Variants in ITIH5 observed in about 807,000 individuals in gnomAD.
The protein encoded by ITIH5 is inter-alpha-trypsin inhibitor heavy chain 5.
ITIH5 carries 65 observed loss-of-function variants against 77.5 expected under a neutral mutation model. The observed-to-expected ratio is 0.84, with a 90% CI of 0.69 to 1.03. The LOEUF is 1.03. ITIH5 is among the 50% of genes least tolerant of loss of function. The probability of loss-of-function intolerance (pLI) is 0.00; values close to 1 mark genes in which losing one functional copy is unlikely to be tolerated. For synonymous variants in ITIH5, 525 were observed against 494.3 expected (o/e 1.06, Z -0.82); for missense variants, 1,208 against 1,213.1 (o/e 1.00, Z 0.06).
intron 3 of ITIH5, among the ~76,000 whole-genome samples, chr10:7,641,666 G>A (rs1833888864): frequency 9.5e-6 from 1 of 105,092 alleles, no homozygotes; most frequent in Non-Finnish European, 2.0e-5. Flanking sequence ...GGGAGGGAGG[G>A]AGGGAGGCAG....
At chr10:7,663,608 A>G (rs1337048721) in intron 1 of ITIH5, among the ~76,000 whole-genome samples, 5 of 152,128 alleles carry the variant, frequency 3.3e-5, no homozygotes, top group African/African-American at 1.2e-4. Flanking sequence ...TTATAATTTG[A>G]TACTTTTTTC....
intron 5 of ITIH5, among the ~76,000 whole-genome samples, chr10:7,624,463 T>C (rs60127199): frequency 0.2 from 30,345 of 150,924 alleles, 4,558 homozygotes; most frequent in African/African-American, 0.42. Context: ...GCCAAGATCG[T>C]ACCATTGCAC....
At chr10:7,654,329 G>A (rs1265357403) in intron 2 of ITIH5, among the ~76,000 whole-genome samples, 1 of 152,142 alleles carries the variant, frequency 6.6e-6, no homozygotes, top group Non-Finnish European at 1.5e-5. Context: ...ATGTATTGCT[G>A]GGAGGCTATT....
At chr10:7,591,396 C>T (rs1832791208) in intron 7 of ITIH5, among the ~76,000 whole-genome samples, 1 of 152,164 alleles carries the variant, frequency 6.6e-6, no homozygotes, top group Non-Finnish European at 1.5e-5. Flanking sequence ...GCCTTCCTGA[C>T]ACGTTGAGCT....
At chr10:7,658,757 T>C (rs1281290327) in intron 1 of ITIH5, among the ~76,000 whole-genome samples, 1 of 152,090 alleles carries the variant, frequency 6.6e-6, no homozygotes, top group Non-Finnish European at 1.5e-5. Context: ...AATCTCTGGG[T>C]TATAATAAGA....
At chr10:7,569,487 T>C (rs1832253454) in intron 12 of ITIH5, 181 bp downstream of exon 12, 2 of 447,844 alleles carry the variant, frequency 4.5e-6, no homozygotes, top group Non-Finnish European at 7.9e-6. Flanking sequence ...GCACTTGTCA[T>C]AAAGCAGGGA....
Position 7,559,955 on chromosome 10 carries a change from G to C in ITIH5, c.*3128C>G, listed in dbSNP as rs779599514. The C allele has an allele frequency of 7.1e-6, 3 of 419,648 alleles. No individual in the cohort carries two copies. Among genetic ancestry groups the C allele is most frequent in the South Asian group, 5.3e-5 (3 of 56,782 alleles). 26.0% of individuals were successfully genotyped at this position (419,648 alleles called of 1,614,324 possible). A position where few individuals can be genotyped will look rare whatever the true frequency, so the allele number is the denominator to read the frequency against. ...CAAGTTCCGACTGCCTGGTTCAAGC[G>C]ATTCTCCTGCCTCAGCCTCCCAAGT... On this transcript the variant is annotated 3_prime_UTR_variant, in exon 14 of 14. Transcript: ENST00000397146.
intron 2 of ITIH5, among the ~76,000 whole-genome samples, chr10:7,653,917 G>A (rs1472587776): frequency 6.6e-6 from 1 of 152,150 alleles, no homozygotes; most frequent in Non-Finnish European, 1.5e-5. Flanking sequence ...CACTTTGGGA[G>A]GCCGAGGTGG....
At chr10:7,581,744 TAG>T (rs1832559413) in intron 8 of ITIH5, among the ~76,000 whole-genome samples, 3 of 125,576 alleles carry the variant, frequency 2.4e-5, no homozygotes, top group African/African-American at 8.9e-5. Flanking sequence ...TTTTTTTTTT[TAG>T]AGACAGGGTC....
At chr10:7,638,459 T>C (rs1833835315) in intron 4 of ITIH5, among the ~76,000 whole-genome samples, 1 of 152,232 alleles carries the variant, frequency 6.6e-6, no homozygotes, top group Non-Finnish European at 1.5e-5. Context: ...AAAGTGATGT[T>C]ATCTGGTCCC....
At position 7,637,443 on chromosome 10, in the gene ITIH5, A is replaced by G; in HGVS notation, c.437T>C (p.Val146Ala). 1 of 1,613,954 alleles carries G rather than the reference A, an allele frequency of 6.2e-7. No individual in the cohort carries two copies. The highest frequency in any genetic ancestry group is 8.5e-7 in the Non-Finnish European group (1 of 1,179,856). ...KGTEIFRASA[V>A]IPSKDKAAFF... ...GGCGGCTTTGTCCTTGCTGGGAATC[A>G]CTGCAGAAGCTCTGAATATTTCAGT... The change falls in exon 5 of 14, where the codon GTG (valine) becomes GCG (alanine). Residue 146 changes from valine (V) to alanine (A), a missense_variant. By Grantham distance (64) the Val-to-Ala change is moderately conservative. Transcript: ENST00000397146.
chr10:7,565,052 T>C (rs947444625), intron 13 of ITIH5, among the ~76,000 whole-genome samples: 1 of 131,446 alleles, frequency 7.6e-6, no homozygotes, highest in Non-Finnish European at 1.6e-5. Context: ...TATATATACA[T>C]ATATACACAC....
intron 7 of ITIH5, among the ~76,000 whole-genome samples, chr10:7,596,547 C>T (rs1832901662): frequency 6.6e-6 from 1 of 152,156 alleles, no homozygotes; most frequent in Non-Finnish European, 1.5e-5. Context: ...CCCATGACAT[C>T]ACAGATGAAT....
At chr10:7,640,574 T>C (rs1833869085) in intron 4 of ITIH5, among the ~76,000 whole-genome samples, 180 bp downstream of exon 4, 1 of 152,036 alleles carries the variant, frequency 6.6e-6, no homozygotes, top group Non-Finnish European at 1.5e-5. Context: ...GGTAAAATTC[T>C]CCTTTTTATT....
At chr10:7,658,211 G>T (rs750800314) in intron 1 of ITIH5, among the ~76,000 whole-genome samples, 15 of 152,130 alleles carry the variant, frequency 9.9e-5, no homozygotes, top group Non-Finnish European at 1.9e-4. Flanking sequence ...TTTTCTGTAT[G>T]ACCTCAAGTC....
intron 2 of ITIH5, among the ~76,000 whole-genome samples, chr10:7,645,848 A>G (rs769411046): frequency 6.6e-6 from 1 of 152,214 alleles, no homozygotes; most frequent in Non-Finnish European, 1.5e-5. Flanking sequence ...CATTTCAGTA[A>G]AGGCAATGAG....
At chr10:7,624,791 A>C (rs1588408601) in intron 5 of ITIH5, among the ~76,000 whole-genome samples, 1 of 116,346 alleles carries the variant, frequency 8.6e-6, no homozygotes, top group South Asian at 2.9e-4. Context: ...GCCTAAAAAA[A>C]AAAAAAAATA....
At chr10:7,608,167 TC>T (rs1440049331) in intron 7 of ITIH5, among the ~76,000 whole-genome samples, 1 of 152,190 alleles carries the variant, frequency 6.6e-6, no homozygotes, top group Non-Finnish European at 1.5e-5. Flanking sequence ...GGGATTTCTC[TC>T]CCCTAACCAG....
At chr10:7,587,975 A>G (rs1832716749) in intron 7 of ITIH5, among the ~76,000 whole-genome samples, 1 of 152,126 alleles carries the variant, frequency 6.6e-6, no homozygotes, top group South Asian at 2.1e-4. Flanking sequence ...CTCACTCCTC[A>G]GCCGCCTTTC....
Sources: gnomAD v4.1 joint callset for allele counts (sites outside exome capture counted in the v4.1 genomes callset) on GRCh38, gnomAD v4.1.1 for gene constraint, MANE v1.5 for transcripts, NCBI Gene and HGNC (gene_info 2026-07-23, HGNC 2026-07-21) for gene names.